GALK1: variants seen among roughly 807,000 people sequenced by gnomAD.
GALK1 encodes the protein galactokinase 1.
A neutral mutation model predicts 38.6 loss-of-function variants in GALK1; 30 were observed. That is an observed-to-expected ratio of 0.78 (90% CI 0.58 to 1.05). GALK1 has a LOEUF of 1.05. Among genes scored for constraint, GALK1 ranks in the 50% least tolerant of loss-of-function variants. GALK1 has a pLI of 0.00. For missense variants in GALK1, 512 were observed against 540.5 expected, an observed-to-expected ratio of 0.95 and a Z score of 0.52; for synonymous variants, 240 against 233.6, an observed-to-expected ratio of 1.03 and a Z score of -0.25.
downstream of GALK1, chr17:75,754,460 A>T: frequency 7.4e-7 from 1 of 1,356,010 alleles, no homozygotes; most frequent in Non-Finnish European, 1.0e-6. Flanking sequence ...AACTGGTTGT[A>T]TTTAAGCAAA....
In GALK1 at chr17:75,765,052, CGG is replaced by C; in HGVS notation, c.83_84del (p.Pro28ArgfsTer52). 6.2e-7 allele frequency: 1 copy of C among 1,605,692 alleles called. No individual in the cohort carries two copies. The highest frequency in any genetic ancestry group is 1.1e-5 in the South Asian group (1 of 90,078). ...RAFREEFGAE[P>X]ELAVSAPGRV... ...CGGCCCGGCGCTGACACGGCCAGCT[CGG>C]GCTCGGCCCCGAACTCCTCCCGGAA... is the stretch of plus-strand genomic sequence containing the variant. On this transcript the variant is annotated frameshift_variant, in exon 1 of 8. Coordinates refer to ENST00000588479, the MANE Select transcript of GALK1 (RefSeq NM_000154.2). LOFTEE classifies it high-confidence loss of function.
Position 75,758,227 on chromosome 17 carries a change from C to A in GALK1, c.1090G>T (p.Ala364Ser). The change falls in exon 7 of 8, where the codon GCC becomes TCC. Residue 364 changes from alanine to serine, a missense_variant. Ala to Ser is a moderately conservative substitution (Grantham distance 99). Coordinates refer to ENST00000588479, the MANE Select transcript of GALK1 (RefSeq NM_000154.2). ...CCGCCCACCTGGATGTGCCGCATGG[C>A]GTGGGGAGCAGCGGAGGCCTCCAGC... ...TLLEASAAPH[A>S]MRHIQEHYGG... 6.2e-7 allele frequency: 1 copy of A among 1,605,134 alleles called. No homozygotes were observed. The highest frequency in any genetic ancestry group is 1.1e-5 in the South Asian group (1 of 90,126).
chr17:75,764,338 G>C (rs371719601), intron 1 of GALK1: 6 of 735,298 alleles, frequency 8.2e-6, no homozygotes, highest in East Asian at 7.8e-5. Context: ...GTGGGGCAAG[G>C]GGGAGAGCTA....
chr17:75,752,649 A>C (rs1388829993), intron 8 of GALK1: 1 of 1,588,896 alleles, frequency 6.3e-7, no homozygotes, highest in African/African-American at 1.3e-5. Context: ...CTGGGTCCAG[A>C]GAGGGCAAAG....
intron 5 of GALK1, among the ~76,000 whole-genome samples, chr17:75,759,435 AAGAAAG>A (rs893993323): frequency 3.3e-5 from 3 of 92,262 alleles, no homozygotes; most frequent in South Asian, 3.5e-4. Flanking sequence ...CTCAAAAAAA[AAGAAAG>A]AAAGAAAGAA....
intron 8 of GALK1, chr17:75,751,989 G>C: frequency 1.3e-6 from 1 of 743,222 alleles, no homozygotes; most frequent in Admixed American, 1.8e-5. Context: ...GGTGACATAT[G>C]TCCACGCCAG....
downstream of GALK1, chr17:75,755,697 CCA>C: frequency 6.2e-7 from 1 of 1,612,892 alleles, no homozygotes; most frequent in Non-Finnish European, 8.5e-7. Flanking sequence ...CCTCCTGTCC[CCA>C]GACTCTCGCC....
At chr17:75,752,624 TAC>T in intron 8 of GALK1, 10 of 1,610,352 alleles carry the variant, frequency 6.2e-6, no homozygotes, top group Non-Finnish European at 8.5e-6. Flanking sequence ...GGGTCTTGGG[TAC>T]AGAGTGAGTC....
rs768818717 is a variant in GALK1, at chr17:75,762,883, G to T, written c.614C>A (p.Ser205Tyr). 1 of 1,613,186 alleles carries T rather than the reference G, an allele frequency of 6.2e-7. No homozygotes were observed. Among genetic ancestry groups the T allele is most frequent in the Admixed American group, 1.7e-5 (1 of 60,010 alleles). The change falls in exon 5 of 8, where the codon TCC becomes TAC. Residue 205 changes from serine to tyrosine, a missense_variant and splice_region_variant. Coordinates refer to ENST00000588479, the MANE Select transcript of GALK1 (RefSeq NM_000154.2). ...GAGTGGCACCAGGCTGGTCTCCAAG[G>T]ACCTGGGGTGGAGTTACAATGGGGG... ...KGHALLIDCR[S>Y]LETSLVPLSD... is the part of the protein sequence containing the mutation.
At chr17:75,755,239 T>A, downstream of GALK1, 1 of 1,590,722 alleles carries the variant, frequency 6.3e-7, no homozygotes, top group Non-Finnish European at 8.6e-7. Context: ...CCATCCTGTC[T>A]CCACAGCTGT....
rs1205312409 is a variant in GALK1, at chr17:75,763,041, T to C, written c.584A>G (p.Lys195Arg). The C allele has an allele frequency of 6.2e-7, 1 of 1,613,078 alleles. No homozygotes were observed. The highest frequency in any genetic ancestry group is 8.5e-7 in the Non-Finnish European group (1 of 1,180,000). The part of the protein sequence containing the change: ...MDQFISLMGQ[K>R]GHALLIDCRS... ...GCAGTCAATGAGCAGCGCGTGGCCT[T>C]TCTGTCCCATAAGTGAGATGAACTG... is the stretch of plus-strand genomic sequence containing the variant. Residue 195 changes from lysine (K) to arginine (R), a missense_variant, in exon 4 of 8, where the codon AAA becomes AGA. Coordinates refer to ENST00000588479, the MANE Select transcript of GALK1 (RefSeq NM_000154.2).
downstream of GALK1, chr17:75,757,478 C>T (rs371616348): frequency 6.2e-7 from 1 of 1,612,986 alleles, no homozygotes. Flanking sequence ...GCATGTGACC[C>T]AGGAGTTTGT....
chr17:75,762,333 G>C (rs115710194), intron 5 of GALK1, among the ~76,000 whole-genome samples: 3 of 148,020 alleles, frequency 2.0e-5, no homozygotes, highest in South Asian at 4.2e-4. Flanking sequence ...AAAAGGGGGT[G>C]GGGGGGGAAA....
Position 75,765,137 on chromosome 17 carries a change from G to A in GALK1, c.-1C>T, listed in dbSNP as rs1217882815. 6.4e-7 allele frequency: 1 copy of A among 1,561,870 alleles called. No individual in the cohort carries two copies. The highest frequency in any genetic ancestry group is 1.4e-5 in the African/African-American group (1 of 73,528). ...CCTGGGGCTGTCTCAAAGCAGCCAT[G>A]ACGCGCGCCTGCAGCTCTGCACAGC... On this transcript the variant is annotated 5_prime_UTR_variant, in exon 1 of 8. Transcript: ENST00000588479.
At chr17:75,754,632 C>T (rs1160288373), downstream of GALK1, 1 of 1,614,056 alleles carries the variant, frequency 6.2e-7, no homozygotes, top group East Asian at 2.2e-5. Context: ...CAACTCCCTG[C>T]ACAGGATGAC....
intron 3 of GALK1, 38 bp from the exon 4 acceptor site, chr17:75,763,187 G>A (rs1214590614): frequency 1.2e-5 from 20 of 1,609,984 alleles, no homozygotes; most frequent in African/African-American, 2.7e-5. Context: ...TAGGGCTGGT[G>A]GAAGCAGCAG....
At position 75,758,443 on chromosome 17, in the gene GALK1, C is replaced by A. The variant is rs1205094544; in HGVS notation, c.944+6G>T. On this transcript the variant is annotated splice_donor_region_variant and intron_variant, in intron 6 of 7. Coordinates refer to ENST00000588479, the MANE Select transcript of GALK1 (RefSeq NM_000154.2). Reference sequence around the variant, plus strand: ...CGGCAGGAGCGGGGCGCCCAGAGGGCCTCACCTGAGTGAGCGGTGGCTCTC... The same window carrying A: ...CGGCAGGAGCGGGGCGCCCAGAGGGACTCACCTGAGTGAGCGGTGGCTCTC... 7 of 1,574,906 alleles carry A rather than the reference C, an allele frequency of 4.4e-6. No homozygotes were observed. Among genetic ancestry groups the A allele is most frequent in the Non-Finnish European group, 4.3e-6 (5 of 1,161,186 alleles).
chr17:75,761,061 GT>G (rs2061585299), intron 5 of GALK1, among the ~76,000 whole-genome samples: 1 of 151,688 alleles, frequency 6.6e-6, no homozygotes, highest in Non-Finnish European at 1.5e-5. Flanking sequence ...AATTAGCCAG[GT>G]GTGGTGGCAC....
downstream of GALK1, chr17:75,756,934 C>G (rs1272880078): frequency 6.2e-7 from 1 of 1,612,324 alleles, no homozygotes; most frequent in Non-Finnish European, 8.5e-7. Flanking sequence ...AGGCATCTTC[C>G]CTGCTCAGGG....
Sources: allele counts gnomAD v4.1 joint callset (sites outside exome capture counted in the v4.1 genomes callset), GRCh38; gene constraint gnomAD v4.1.1; transcripts MANE v1.5; gene names NCBI Gene and HGNC (gene_info 2026-07-23, HGNC 2026-07-21).